The following DLEU7 variants were observed in gnomAD, a reference collection of about 807,000 sequenced individuals.
DLEU7 encodes the protein leukemia-associated protein 7.
In DLEU7, 17 loss-of-function variants were observed where a neutral mutation model predicts 16.0. The ratio of observed to expected loss-of-function variants is 1.06; its 90% CI spans 0.73 to 1.59. DLEU7 has a LOEUF of 1.59. Ranked by LOEUF, DLEU7 falls within the 40% of genes most tolerant of loss-of-function variation. DLEU7 has a pLI of 0.00. For synonymous variants in DLEU7, 113 were observed against 139.8 expected, an observed-to-expected ratio of 0.81 and a Z score of 1.35; for missense variants, 308 against 314.9, an observed-to-expected ratio of 0.98 and a Z score of 0.17.
intron 1 of DLEU7, among the ~76,000 whole-genome samples, chr13:50,811,488 G>A (rs1876565119): frequency 6.6e-6 from 1 of 152,116 alleles, no homozygotes; most frequent in African/African-American, 2.4e-5. Context: ...TCCCAGAAAG[G>A]ATTGTGATGA....
intron 1 of DLEU7, among the ~76,000 whole-genome samples, chr13:50,782,651 T>C (rs1875686829): frequency 1.3e-5 from 2 of 152,154 alleles, no homozygotes; most frequent in African/African-American, 2.4e-5. Context: ...CTAGTTTCCA[T>C]ATAGTGAGCT....
chr13:50,834,221 C>A (rs1390113813), intron 1 of DLEU7, among the ~76,000 whole-genome samples: 1 of 152,078 alleles, frequency 6.6e-6, no homozygotes, highest in African/African-American at 2.4e-5. Context: ...AGCTTCTGCA[C>A]AGCAAAAGAA....
rs540018379 is a variant in DLEU7, at chr13:50,825,926, C to T, written c.460-2406G>A. The stretch of plus-strand genomic sequence containing the variant: ...GCACAACGTGCAGGTTTGTTACATA[C>T]GTATACATGTGCCATGTTGGTGTGC... On this transcript the variant is annotated intron_variant, in intron 1 of 1. Transcript: ENST00000504404. Among the ~76,000 whole-genome samples, 27 of 152,138 alleles carry T rather than the reference C, an allele frequency of 1.8e-4. No homozygotes were observed. The South Asian group carries it at 3.7e-3, about 21-fold the overall frequency.
chr13:50,840,538 C>T (rs1289657922), intron 1 of DLEU7, among the ~76,000 whole-genome samples: 1 of 152,180 alleles, frequency 6.6e-6, no homozygotes, highest in Non-Finnish European at 1.5e-5. Context: ...TGCGGGTGAA[C>T]AGCAGACTCC....
At chr13:50,819,395 G>A (rs1876828929), downstream of DLEU7, among the ~76,000 whole-genome samples, 1 of 152,138 alleles carries the variant, frequency 6.6e-6, no homozygotes, top group African/African-American at 2.4e-5. Flanking sequence ...AAAAAGGGAA[G>A]CTATTGGTAG....
At chr13:50,715,601 G>C (rs1207076291) in intron 1 of DLEU7, 2 of 152,394 alleles carry the variant, frequency 1.3e-5, no homozygotes, top group Non-Finnish European at 2.9e-5. Flanking sequence ...CCACTCAAAA[G>C]GAGGAACCAA....
At chr13:50,841,828 G>A (rs528024578) in intron 1 of DLEU7, among the ~76,000 whole-genome samples, 2 of 151,622 alleles carry the variant, frequency 1.3e-5, no homozygotes, top group Non-Finnish European at 2.9e-5. Context: ...AAAAAATTTT[G>A]GTGATACCAA....
At chr13:50,754,883 G>T (rs990755550) in intron 1 of DLEU7, among the ~76,000 whole-genome samples, 1 of 152,164 alleles carries the variant, frequency 6.6e-6, no homozygotes, top group Non-Finnish European at 1.5e-5. Flanking sequence ...GTAGTGGTTT[G>T]GTAGTGGCGA....
rs186384148 is a variant in DLEU7 at position 50,745,148 on chromosome 13, C to T, written c.460-31908G>A. On this transcript the variant is annotated intron_variant, in intron 1 of 1. Coordinates refer to the DLEU7 transcript ENST00000400393. ...TCACAGCAGCATTATTCACAAGCGG[C>T]AAAAGAAGAAAGCTACCCAAATGTC... Among the ~76,000 whole-genome samples the T allele has an allele frequency of 3.3e-3, 501 of 152,076 alleles. 3 individuals carry two copies. Among genetic ancestry groups the T allele is most frequent in the African/African-American group, 0.011 (475 of 41,454 alleles).
chr13:50,739,660 C>T (rs1442396135), intron 1 of DLEU7, among the ~76,000 whole-genome samples: 5 of 152,208 alleles, frequency 3.3e-5, no homozygotes, highest in South Asian at 2.1e-4. Context: ...ATTAGAGGAA[C>T]GAGAGAGAAT....
chr13:50,799,558 A>G (rs564082086), intron 1 of DLEU7, among the ~76,000 whole-genome samples: 11 of 152,284 alleles, frequency 7.2e-5, no homozygotes, highest in African/African-American at 2.6e-4. Flanking sequence ...TAAACTCTAG[A>G]TCCTTTAATA....
At chr13:50,815,928 G>C (rs988329301) in intron 1 of DLEU7, among the ~76,000 whole-genome samples, 7 of 152,014 alleles carry the variant, frequency 4.6e-5, no homozygotes, top group African/African-American at 1.4e-4. Flanking sequence ...ATTCTTGAGG[G>C]GGGGCTGCAG....
At chr13:50,719,051 A>G (rs1449957707) in intron 1 of DLEU7, among the ~76,000 whole-genome samples, 1 of 152,226 alleles carries the variant, frequency 6.6e-6, no homozygotes, top group African/African-American at 2.4e-5. Context: ...CTTGGAAACA[A>G]ACTGGAGAAA....
At chr13:50,764,893 T>TTTTGTTTTGTTTTC in intron 1 of DLEU7, among the ~76,000 whole-genome samples, 1 of 125,800 alleles carries the variant, frequency 7.9e-6, no homozygotes, top group Middle Eastern at 3.7e-3. Context: ...TTTTGTTTTG[T>TTTTGTTTTGTTTTC]TTTGTTTGAG....
At chr13:50,739,869 T>C (rs939751740) in intron 1 of DLEU7, among the ~76,000 whole-genome samples, 49 of 152,080 alleles carry the variant, frequency 3.2e-4, no homozygotes, top group Admixed American at 1.3e-4. Flanking sequence ...GACACTAGAC[T>C]CCCTGTTGGG....
chr13:50,775,122 G>C (rs1875455468), intron 1 of DLEU7, among the ~76,000 whole-genome samples: 1 of 150,922 alleles, frequency 6.6e-6, no homozygotes, highest in Admixed American at 6.6e-5. Context: ...TATTCTCTGG[G>C]GTATGTGTTA....
intron 1 of DLEU7, among the ~76,000 whole-genome samples, chr13:50,766,426 A>C (rs1875111840): frequency 6.6e-6 from 1 of 152,088 alleles, no homozygotes. Context: ...GTCTGCTTTG[A>C]AATAATGAGA....
intron 1 of DLEU7, among the ~76,000 whole-genome samples, chr13:50,769,014 T>C (rs991744477): frequency 6.6e-6 from 1 of 152,234 alleles, no homozygotes; most frequent in Non-Finnish European, 1.5e-5. Context: ...GTGGTTTTGA[T>C]TTGCATTTCT....
intron 1 of DLEU7, among the ~76,000 whole-genome samples, chr13:50,758,311 G>A (rs1044599068): frequency 1.3e-5 from 2 of 152,188 alleles, no homozygotes; most frequent in Admixed American, 6.5e-5. Flanking sequence ...CTTTAAGACT[G>A]TGGTACACAT....
Sources: allele counts gnomAD v4.1 joint callset (sites outside exome capture counted in the v4.1 genomes callset), GRCh38; gene constraint gnomAD v4.1.1; transcripts MANE v1.5; gene names NCBI Gene and HGNC (gene_info 2026-07-23, HGNC 2026-07-21).